SBF2: variants seen among roughly 807,000 people sequenced by gnomAD.
SBF2 encodes the protein myotubularin-related protein 13.
Under a neutral mutation model 225.2 loss-of-function variants are expected in SBF2, and 112 were observed. The observed-to-expected ratio is 0.50, with a 90% CI of 0.43 to 0.58. The LOEUF (loss-of-function observed/expected upper bound fraction) is 0.58, where lower values mean the gene tolerates loss of function less well. Among genes scored for constraint, SBF2 ranks in the 20% least tolerant of loss-of-function variants. SBF2 has a pLI of 0.00. For missense variants in SBF2, 1,996 were observed against 2,206.2 expected, an observed-to-expected ratio of 0.90 and a Z score of 1.91; for synonymous variants, 763 against 773.3, an observed-to-expected ratio of 0.99 and a Z score of 0.22.
At chr11:10,194,995 AAATG>A (rs1957307166) in intron 1 of SBF2, among the ~76,000 whole-genome samples, 1 of 152,212 alleles carries the variant, frequency 6.6e-6, no homozygotes, top group Non-Finnish European at 1.5e-5. Context: ...GTAACAAATG[AAATG>A]GCACTGCTAG....
intron 22 of SBF2, among the ~76,000 whole-genome samples, chr11:9,848,267 A>G (rs1856694112): frequency 6.6e-6 from 1 of 152,204 alleles, no homozygotes. Flanking sequence ...CAGGATGTAC[A>G]TAGGATTTAA....
At chr11:10,005,552 G>T (rs1451594486) in intron 6 of SBF2, among the ~76,000 whole-genome samples, 1 of 152,014 alleles carries the variant, frequency 6.6e-6, no homozygotes, top group Non-Finnish European at 1.5e-5. Flanking sequence ...TTTCACTCCT[G>T]CTCTAAAATT....
chr11:10,100,922 C>A (rs1160491620), intron 2 of SBF2, among the ~76,000 whole-genome samples: 1 of 152,170 alleles, frequency 6.6e-6, no homozygotes, highest in African/African-American at 2.4e-5. Context: ...CTTGGTTCAG[C>A]AGACATCTAA....
chr11:9,885,572 A>G (rs1357732859), intron 17 of SBF2, among the ~76,000 whole-genome samples: 1 of 152,136 alleles, frequency 6.6e-6, no homozygotes, highest in Non-Finnish European at 1.5e-5. Flanking sequence ...GAAAAATCAC[A>G]GTAGACATTA....
At chr11:9,982,804 C>T (rs1285070340) in intron 13 of SBF2, among the ~76,000 whole-genome samples, 2 of 152,216 alleles carry the variant, frequency 1.3e-5, no homozygotes, top group Non-Finnish European at 2.9e-5. Flanking sequence ...CTCTCCCGAA[C>T]ACACACCGGA....
At chr11:9,932,816 A>G (rs1170308340) in intron 16 of SBF2, among the ~76,000 whole-genome samples, 4 of 152,264 alleles carry the variant, frequency 2.6e-5, no homozygotes, top group Admixed American at 6.5e-5. Context: ...AAATGCCCCA[A>G]TTAAAAGATA....
intron 13 of SBF2, among the ~76,000 whole-genome samples, chr11:9,976,367 TG>T (rs1245544238): frequency 6.6e-6 from 1 of 152,022 alleles, no homozygotes; most frequent in African/African-American, 2.4e-5. Flanking sequence ...CCACTGCGCC[TG>T]GCCCAGATAT....
At chr11:10,143,936 G>T (rs1207222531) in intron 2 of SBF2, among the ~76,000 whole-genome samples, 1 of 151,988 alleles carries the variant, frequency 6.6e-6, no homozygotes, top group Non-Finnish European at 1.5e-5. Context: ...AGCCAGGATG[G>T]TCTCGATCTC....
chr11:10,064,189 A>C (rs1337115684), intron 2 of SBF2, among the ~76,000 whole-genome samples: 1 of 152,148 alleles, frequency 6.6e-6, no homozygotes, highest in African/African-American at 2.4e-5. Context: ...AATAGCACAA[A>C]ATTTGGGAAG....
chr11:10,260,525 G>A (rs1171222127), intron 1 of SBF2, among the ~76,000 whole-genome samples: 1 of 151,956 alleles, frequency 6.6e-6, no homozygotes, highest in Non-Finnish European at 1.5e-5. Flanking sequence ...GACCATCCTG[G>A]CTAACAGGAT....
chr11:9,894,718 T>C (rs1051195850), intron 17 of SBF2, among the ~76,000 whole-genome samples: 1 of 151,176 alleles, frequency 6.6e-6, no homozygotes, highest in African/African-American at 2.4e-5. Context: ...CAGTAGCTCA[T>C]GCCTGTAATC....
intron 2 of SBF2, among the ~76,000 whole-genome samples, chr11:10,052,382 A>C (rs976408952): frequency 6.6e-6 from 1 of 152,146 alleles, no homozygotes; most frequent in African/African-American, 2.4e-5. Context: ...TGACTTCACC[A>C]TTTCACACAT....
chr11:9,862,218 T>C (rs1192748460), intron 17 of SBF2, among the ~76,000 whole-genome samples: 1 of 152,246 alleles, frequency 6.6e-6, no homozygotes, highest in African/African-American at 2.4e-5. Context: ...TTCTTTGTGG[T>C]TTCTTGCTTT....
In SBF2 at chr11:9,780,329, TGTC is replaced by T; in HGVS notation, c.*86_*88del. ...AACCTCAGGCCCTGGGATAACTTGT[TGTC>T]AGCTCCTCAAGGATCCATGCTTCTT... On this transcript the variant is annotated 3_prime_UTR_variant, in exon 40 of 40. Transcript: ENST00000256190. 8.7e-7 allele frequency: 1 copy of T among 1,151,548 alleles called. No individual in the cohort carries two copies. The highest frequency in any genetic ancestry group is 1.3e-5 in the South Asian group (1 of 77,548). 71.3% of individuals were successfully genotyped at this position (1,151,548 alleles called of 1,614,324 possible). A position where few individuals can be genotyped will look rare whatever the true frequency, so the allele number is the denominator to read the frequency against.
At chr11:9,781,419 C>T (rs538253671) in intron 39 of SBF2, 88 bp downstream of exon 39, 1 of 1,567,822 alleles carries the variant, frequency 6.4e-7, no homozygotes, top group South Asian at 1.1e-5. Flanking sequence ...GTAGTCACCA[C>T]CAATTACTCT....
intron 16 of SBF2, among the ~76,000 whole-genome samples, chr11:9,912,553 G>T (rs1297815845): frequency 1.3e-5 from 2 of 152,158 alleles, no homozygotes; most frequent in Non-Finnish European, 2.9e-5. Flanking sequence ...CTGCACTCCA[G>T]CCTGGGCAAA....
At chr11:9,789,476 A>G (rs984098277) in intron 34 of SBF2, 134 bp from the exon 35 acceptor site, 1 of 644,128 alleles carries the variant, frequency 1.6e-6, no homozygotes, top group South Asian at 1.8e-5. Flanking sequence ...ATATTTCTAA[A>G]TATTTAAAAA....
rs973566577 is a variant in SBF2, at chr11:10,061,300, G to A, written c.142-18319C>T. On this transcript the variant is annotated intron_variant, in intron 2 of 39. Transcript: ENST00000256190. The stretch of plus-strand genomic sequence containing the variant: ...CCCCTTGAAAACTGGCACAAGACAA[G>A]GATGCCCTCTCTCACCACTTAATAT... 5.9e-5 allele frequency among the ~76,000 whole-genome samples: 9 copies of A among 152,244 alleles called. No individual in the cohort carries two copies. In the South Asian group the frequency reaches 1.9e-3, roughly 32 times the overall value.
intron 2 of SBF2, among the ~76,000 whole-genome samples, chr11:10,169,413 C>A (rs190298384): frequency 3.9e-5 from 6 of 152,178 alleles, no homozygotes; most frequent in Admixed American, 6.5e-5. Context: ...TTTTTAACTC[C>A]CACAAATAAG....
Sources: gnomAD v4.1 joint callset for allele counts (sites outside exome capture counted in the v4.1 genomes callset) on GRCh38, gnomAD v4.1.1 for gene constraint, MANE v1.5 for transcripts, NCBI Gene and HGNC (gene_info 2026-07-23, HGNC 2026-07-21) for gene names.